The following RRBP1 variants were observed in gnomAD, a reference collection of about 807,000 sequenced individuals.
RRBP1 encodes the protein ribosome binding protein 1, also known as ribosome-binding protein 1.
Under a neutral mutation model 165.2 loss-of-function variants are expected in RRBP1, and 94 were observed. The observed-to-expected ratio is 0.57, with a 90% CI of 0.48 to 0.68. RRBP1 has a LOEUF of 0.68. RRBP1 is among the 30% of genes least tolerant of loss of function. The probability of loss-of-function intolerance (pLI) is 0.00; values close to 1 mark genes in which losing one functional copy is unlikely to be tolerated. For synonymous variants in RRBP1, 680 were observed against 714.5 expected (o/e 0.95, Z 0.77); for missense variants, 1,676 against 1,763.0 (o/e 0.95, Z 0.88).
chr20:17,633,297 G>A (rs2122319966), intron 8 of RRBP1, among the ~76,000 whole-genome samples, 163 bp downstream of exon 8: 1 of 152,318 alleles, frequency 6.6e-6, no homozygotes, highest in Non-Finnish European at 1.5e-5. Flanking sequence ...GGAGACTAAG[G>A]TGAAGAGTTT....
At chr20:17,677,572 G>A (rs1436705340) in intron 2 of RRBP1, among the ~76,000 whole-genome samples, 1 of 152,216 alleles carries the variant, frequency 6.6e-6, no homozygotes, top group Admixed American at 6.5e-5. Context: ...GGGCACGGTG[G>A]CTCATGCCTA....
At chr20:17,645,235 G>A (rs368005624) in intron 3 of RRBP1, among the ~76,000 whole-genome samples, 1 of 152,184 alleles carries the variant, frequency 6.6e-6, no homozygotes, top group Admixed American at 6.5e-5. Flanking sequence ...TCCTGCACAG[G>A]GGCAGCATGG....
At chr20:17,637,400 C>A (rs1260831610) in intron 5 of RRBP1, among the ~76,000 whole-genome samples, 1 of 152,068 alleles carries the variant, frequency 6.6e-6, no homozygotes, top group Non-Finnish European at 1.5e-5. Context: ...AACCAGAAAC[C>A]ATAGGGAGGC....
chr20:17,614,620 A>G, intron 24 of RRBP1, 117 bp downstream of exon 24: 2 of 1,338,190 alleles, frequency 1.5e-6, no homozygotes, highest in African/African-American at 1.5e-5. Flanking sequence ...TGGGGCTCCC[A>G]GCCCAGCGCT....
Position 17,660,510 on chromosome 20 carries a change from T to G in RRBP1, c.-3A>C, listed in dbSNP as rs1228216165. 2 of 1,607,382 alleles carry G rather than the reference T, an allele frequency of 1.2e-6. No individual in the cohort carries two copies. ...GTTTGAGTGTCGTAAATATCCATCC[T>G]GGCTTGCTTTCCTTTCACCTGTCAA... On this transcript the variant is annotated 5_prime_UTR_variant, in exon 3 of 25. Coordinates refer to ENST00000377813, the MANE Select transcript of RRBP1 (RefSeq NM_001365613.2).
chr20:17,632,371 A>G (rs2036166854), intron 8 of RRBP1, among the ~76,000 whole-genome samples: 3 of 152,138 alleles, frequency 2.0e-5, no homozygotes. Flanking sequence ...ATGGACCACA[A>G]CCGTCCAGGA....
At position 17,672,561 on chromosome 20, in the gene RRBP1, T is replaced by C. The variant is rs112406682; in HGVS notation, c.-22+7438A>G. 4.0e-3 allele frequency among the ~76,000 whole-genome samples: 610 copies of C among 152,378 alleles called. 9 individuals are homozygous for C. Among genetic ancestry groups the C allele is most frequent in the African/African-American group, 0.014 (572 of 41,580 alleles). On this transcript the variant is annotated intron_variant, in intron 2 of 24. Transcript: ENST00000377813. The stretch of plus-strand genomic sequence containing the variant: ...AATATATTCCAAGGTCTCATTCATA[T>C]ACTGTTGGTGGGAGTATAAATTAGA...
At chr20:17,655,682 G>A in intron 3 of RRBP1, among the ~76,000 whole-genome samples, 1 of 152,188 alleles carries the variant, frequency 6.6e-6, no homozygotes, top group Admixed American at 6.5e-5. Context: ...GGGAGTCCAG[G>A]AGAAGAAGAA....
chr20:17,619,652 T>C lies in RRBP1; in HGVS notation c.3656A>G (p.Tyr1219Cys). The C allele has an allele frequency of 6.2e-7, 1 of 1,612,342 alleles. No homozygotes were observed. The highest frequency in any genetic ancestry group is 8.5e-7 in the Non-Finnish European group (1 of 1,179,558). Residue 1219 changes from tyrosine to cysteine, a missense_variant, in exon 19 of 25, where the codon TAC (tyrosine) becomes TGC (cysteine). Coordinates refer to ENST00000377813, the MANE Select transcript of RRBP1 (RefSeq NM_001365613.2). ...MAAASAECQNYAKEVAGLRQL... is the reference protein window; with the variant it reads ...MAAASAECQNCAKEVAGLRQL... ...ACTCACCCCTGCCACCTCCTTGGCGTAGTTCTGGCACTCGGCGCTGGCGGC... is the reference window on the plus strand; with the variant it reads ...ACTCACCCCTGCCACCTCCTTGGCGCAGTTCTGGCACTCGGCGCTGGCGGC...
At chr20:17,627,297 G>C (rs2035008287) in intron 11 of RRBP1, 51 bp downstream of exon 11, 2 of 1,598,692 alleles carry the variant, frequency 1.3e-6, no homozygotes, top group Non-Finnish European at 1.7e-6. Context: ...AGGGTCTTTG[G>C]TCCCCCGGGC....
At chr20:17,633,145 T>C (rs1035574286) in intron 8 of RRBP1, among the ~76,000 whole-genome samples, 142 of 152,308 alleles carry the variant, frequency 9.3e-4, no homozygotes, top group Non-Finnish European at 6.2e-4. Context: ...TCAAACTCCC[T>C]TATGGGTAAA....
rs761857030 is a variant in RRBP1, at chr20:17,658,953, C to G, written c.1555G>C (p.Gly519Arg). 4 of 1,612,826 alleles carry G rather than the reference C, an allele frequency of 2.5e-6. No individual in the cohort carries two copies. The highest frequency in any genetic ancestry group is 3.4e-6 in the Non-Finnish European group (4 of 1,179,794). Residue 519 changes from glycine to arginine, a missense_variant, in exon 3 of 25, where the codon GGT (glycine) becomes CGT (arginine). Around this residue, in one of 5 missense-constraint regions of RRBP1, gnomAD observed 1,184 missense variants for 1,167.1 expected, o/e 1.01. Coordinates refer to ENST00000377813, the MANE Select transcript of RRBP1 (RefSeq NM_001365613.2). ...CCCTGAGCCCCTTCTGTCTTTTTAC[C>G]CTGATTCTGGGCTCCCTCTCCTTTT... ...GQKGEGAQNQ[G>R]KKTEGAQGKK...
intron 11 of RRBP1, among the ~76,000 whole-genome samples, chr20:17,626,783 A>G (rs1275469291): frequency 1.3e-5 from 2 of 152,208 alleles, no homozygotes; most frequent in Non-Finnish European, 2.9e-5. Context: ...GCAACAGCAA[A>G]TAAACACTCC....
Position 17,620,312 on chromosome 20 carries a change from T to G in RRBP1, c.3566A>C (p.Glu1189Ala). ...CAGAGCACATACCTGGTCCGAACTTTCAAGTTCTCCTTTTAGCTTCTCTAC... is the reference window on the plus strand; with the variant it reads ...CAGAGCACATACCTGGTCCGAACTTGCAAGTTCTCCTTTTAGCTTCTCTAC... ...EIVEKLKGEL[E>A]SSDQVREHTS... The change falls in exon 18 of 25, where the codon GAA (glutamate) becomes GCA (alanine). Residue 1189 changes from glutamate to alanine, a missense_variant. Physicochemically the swap from Glu to Ala is moderately radical, Grantham distance 107. This residue lies in a region of RRBP1 where 1,184 missense variants were observed against 1,167.1 expected (regional missense o/e 1.01). Coordinates refer to ENST00000377813, the MANE Select transcript of RRBP1 (RefSeq NM_001365613.2). 6.2e-7 allele frequency: 1 copy of G among 1,613,582 alleles called. No individual in the cohort carries two copies. Among genetic ancestry groups the G allele is most frequent in the Non-Finnish European group, 8.5e-7 (1 of 1,179,666 alleles).
intron 2 of RRBP1, among the ~76,000 whole-genome samples, chr20:17,679,061 C>A (rs2037132292): frequency 6.6e-6 from 1 of 152,166 alleles, no homozygotes; most frequent in Non-Finnish European, 1.5e-5. Flanking sequence ...GAAGGCCGGG[C>A]CCACATCGCC....
intron 3 of RRBP1, among the ~76,000 whole-genome samples, chr20:17,655,307 C>A (rs910766354): frequency 6.6e-6 from 1 of 152,208 alleles, no homozygotes; most frequent in Non-Finnish European, 1.5e-5. Context: ...TGGGCCACAA[C>A]GCCCAGCTGC....
In RRBP1 at chr20:17,633,455, C is replaced by A; in HGVS notation, c.2610+5G>T. The stretch of plus-strand genomic sequence containing the variant: ...GGCACTGAGGCGGCCACTGCCCCGA[C>A]TCACCTGCAGCTGCAGGACCTGCTT... On this transcript the variant is annotated splice_donor_5th_base_variant and intron_variant, in intron 8 of 24. Transcript: ENST00000377813. The A allele has an allele frequency of 6.2e-7, 1 of 1,612,638 alleles. No individual in the cohort carries two copies. Among genetic ancestry groups the A allele is most frequent in the South Asian group, 1.1e-5 (1 of 90,920 alleles).
In RRBP1 at chr20:17,618,684, G is replaced by A; in HGVS notation, c.3676-5C>T. The A allele has an allele frequency of 1.2e-6, 2 of 1,611,836 alleles. No homozygotes were observed. Among genetic ancestry groups the A allele is most frequent in the African/African-American group, 1.3e-5 (1 of 74,992 alleles). ...TTCTAGGAGAAGTTGCCTCAGCTTGGGGAGAAAACAGAGGCGGGTGATGGG... is the reference window on the plus strand; with the variant it reads ...TTCTAGGAGAAGTTGCCTCAGCTTGAGGAGAAAACAGAGGCGGGTGATGGG... On this transcript the variant is annotated splice_region_variant and splice_polypyrimidine_tract_variant and intron_variant, in intron 19 of 24. Coordinates refer to ENST00000377813, the MANE Select transcript of RRBP1 (RefSeq NM_001365613.2).
intron 2 of RRBP1, among the ~76,000 whole-genome samples, chr20:17,675,710 G>A (rs949617106): frequency 5.3e-5 from 8 of 152,250 alleles, no homozygotes; most frequent in Admixed American, 2.6e-4. Context: ...CTGAGGAACA[G>A]AGGCCACCGT....
Sources: allele counts gnomAD v4.1 joint callset (sites outside exome capture counted in the v4.1 genomes callset), GRCh38; gene constraint gnomAD v4.1.1; regional missense constraint gnomAD v4.1.1; transcripts MANE v1.5; gene names NCBI Gene and HGNC (gene_info 2026-07-23, HGNC 2026-07-21).